HMGCLL1: variants seen among roughly 807,000 people sequenced by gnomAD.
HMGCLL1 encodes the protein 3-hydroxymethyl-3-methylglutaryl-CoA lyase, cytoplasmic.
A neutral mutation model predicts 39.1 loss-of-function variants in HMGCLL1; 36 were observed. The ratio of observed to expected loss-of-function variants is 0.92; its 90% CI spans 0.71 to 1.22. The LOEUF is 1.22. HMGCLL1 is among the 50% of genes most tolerant of loss of function. HMGCLL1 has a pLI of 0.00. For synonymous variants in HMGCLL1, 149 were observed against 144.0 expected (o/e 1.03, Z -0.25); for missense variants, 451 against 416.5 (o/e 1.08, Z -0.72).
the HMGCLL1 span, among the ~76,000 whole-genome samples, chr6:55,601,647 T>A: frequency 1.3e-5 from 2 of 152,130 alleles, no homozygotes; most frequent in Non-Finnish European, 2.9e-5. Flanking sequence ...TCAAGCTGTT[T>A]AGCCCTAAAA....
At chr6:55,450,416 T>C (rs1313257934) in intron 7 of HMGCLL1, among the ~76,000 whole-genome samples, 1 of 152,226 alleles carries the variant, frequency 6.6e-6, no homozygotes, top group Non-Finnish European at 1.5e-5. Flanking sequence ...CTGTGTGATT[T>C]TGATAATGTT....
intron 3 of HMGCLL1, among the ~76,000 whole-genome samples, 181 bp downstream of exon 3, chr6:55,541,548 C>G (rs565496570): frequency 6.6e-6 from 1 of 152,178 alleles, no homozygotes; most frequent in Admixed American, 6.6e-5. Context: ...GTATAAAGTT[C>G]TAAGTAACTT....
chr6:55,673,876 A>G, the HMGCLL1 span, among the ~76,000 whole-genome samples: 2 of 151,924 alleles, frequency 1.3e-5, no homozygotes, highest in African/African-American at 4.8e-5. Flanking sequence ...GTTGTTTACT[A>G]TTTTATAGAT....
the HMGCLL1 span, among the ~76,000 whole-genome samples, chr6:55,616,052 A>G: frequency 1.3e-5 from 2 of 152,142 alleles, no homozygotes; most frequent in Admixed American, 6.6e-5. Flanking sequence ...GAAAATACCC[A>G]GTAAAGCAAC....
At chr6:55,492,473 T>C (rs1766366060) in intron 7 of HMGCLL1, among the ~76,000 whole-genome samples, 1 of 152,208 alleles carries the variant, frequency 6.6e-6, no homozygotes, top group South Asian at 2.1e-4. Flanking sequence ...CAGTACCACA[T>C]GTGGCTGTTT....
At chr6:55,543,827 T>C (rs1221994803) in intron 1 of HMGCLL1, among the ~76,000 whole-genome samples, 1 of 151,730 alleles carries the variant, frequency 6.6e-6, no homozygotes, top group Non-Finnish European at 1.5e-5. Flanking sequence ...GAGCAGTGGT[T>C]GTGCCACTGC....
chr6:55,633,740 T>TTTGA, the HMGCLL1 span, among the ~76,000 whole-genome samples: 1 of 151,892 alleles, frequency 6.6e-6, no homozygotes, highest in Admixed American at 6.6e-5. Flanking sequence ...GCAGGAATAA[T>TTTGA]CATCAGGAAG....
At chr6:55,652,428 A>C in the HMGCLL1 span, among the ~76,000 whole-genome samples, 2 of 152,120 alleles carry the variant, frequency 1.3e-5, no homozygotes, top group African/African-American at 4.8e-5. Context: ...CATTTACATA[A>C]AATTTAGACA....
At chr6:55,480,205 A>G (rs1765663342) in intron 7 of HMGCLL1, among the ~76,000 whole-genome samples, 1 of 151,674 alleles carries the variant, frequency 6.6e-6, no homozygotes, top group Non-Finnish European at 1.5e-5. Flanking sequence ...AGAATGGGAG[A>G]AAATATTTGA....
At chr6:55,498,865 T>TG (rs1766722074) in intron 6 of HMGCLL1, among the ~76,000 whole-genome samples, 1 of 152,100 alleles carries the variant, frequency 6.6e-6, no homozygotes, top group Non-Finnish European at 1.5e-5. Context: ...AAAACAGGGA[T>TG]GCTGCCTAAG....
At chr6:55,486,490 T>C (rs996602033) in intron 7 of HMGCLL1, among the ~76,000 whole-genome samples, 2 of 152,104 alleles carry the variant, frequency 1.3e-5, no homozygotes, top group Non-Finnish European at 2.9e-5. Flanking sequence ...TCATTAAATA[T>C]GGATTATTAT....
chr6:55,482,332 T>C (rs1040059158), intron 7 of HMGCLL1, among the ~76,000 whole-genome samples: 5 of 152,144 alleles, frequency 3.3e-5, no homozygotes, highest in Non-Finnish European at 7.4e-5. Context: ...TTCACCTCTT[T>C]ATTGAAGTTA....
intron 1 of HMGCLL1, among the ~76,000 whole-genome samples, chr6:55,553,886 T>C (rs1770505884): frequency 6.6e-6 from 1 of 152,182 alleles, no homozygotes; most frequent in African/African-American, 2.4e-5. Flanking sequence ...TACCTGGAAA[T>C]TATTCAAGTT....
chr6:55,514,937 C>G (rs1767656698), intron 4 of HMGCLL1, among the ~76,000 whole-genome samples: 1 of 152,108 alleles, frequency 6.6e-6, no homozygotes, highest in Admixed American at 6.6e-5. Flanking sequence ...CTACGTTCTC[C>G]CCTCTTGCTA....
intron 5 of HMGCLL1, chr6:55,512,853 C>G (rs1187645844): frequency 6.6e-6 from 1 of 152,054 alleles, no homozygotes. Flanking sequence ...TCGCTATGCA[C>G]TTTAACTTGT....
At chr6:55,591,780 A>G in the HMGCLL1 span, among the ~76,000 whole-genome samples, 1 of 151,802 alleles carries the variant, frequency 6.6e-6, no homozygotes, top group Non-Finnish European at 1.5e-5. Flanking sequence ...AATTCATTAA[A>G]ATGATTGAAT....
chr6:55,589,037 C>CT, the HMGCLL1 span, among the ~76,000 whole-genome samples: 1 of 152,122 alleles, frequency 6.6e-6, no homozygotes, highest in Non-Finnish European at 1.5e-5. Context: ...AAGAGGGAAT[C>CT]CTCCCTAACT....
At chr6:55,664,926 G>C in the HMGCLL1 span, among the ~76,000 whole-genome samples, 1 of 151,662 alleles carries the variant, frequency 6.6e-6, no homozygotes, top group African/African-American at 2.4e-5. Context: ...GTGAGGTGGG[G>C]AGAGAGAGAA....
At chr6:55,556,619 G>A (rs143574678) in intron 1 of HMGCLL1, among the ~76,000 whole-genome samples, 2,003 of 152,272 alleles carry the variant, frequency 0.013, 32 homozygotes, top group Non-Finnish European at 0.023. Context: ...CGGGAGCAGG[G>A]GGATGATATG....
Sources: gnomAD v4.1 joint callset for allele counts (sites outside exome capture counted in the v4.1 genomes callset) on GRCh38, gnomAD v4.1.1 for gene constraint, MANE v1.5 for transcripts, NCBI Gene and HGNC (gene_info 2026-07-23, HGNC 2026-07-21) for gene names.